Variants in CNTNAP2 observed in about 807,000 individuals in gnomAD.
The protein encoded by CNTNAP2 is contactin-associated protein-like 2.
A neutral mutation model predicts 155.2 loss-of-function variants in CNTNAP2; 98 were observed. The observed-to-expected ratio is 0.63, with a 90% CI of 0.54 to 0.75. The LOEUF is 0.75. CNTNAP2 is among the 30% of genes least tolerant of loss of function. The probability of loss-of-function intolerance (pLI) is 0.00; values close to 1 mark genes in which losing one functional copy is unlikely to be tolerated. For synonymous variants in CNTNAP2, 651 were observed against 631.2 expected, an observed-to-expected ratio of 1.03 and a Z score of -0.47; for missense variants, 1,727 against 1,688.1, an observed-to-expected ratio of 1.02 and a Z score of -0.40.
chr7:147,254,474 T>A, intron 8 of CNTNAP2, among the ~76,000 whole-genome samples: 1 of 152,208 alleles, frequency 6.6e-6, no homozygotes, highest in South Asian at 2.1e-4. Flanking sequence ...AAGAAGTTTT[T>A]GATTCCCTTG....
intron 1 of CNTNAP2, among the ~76,000 whole-genome samples, chr7:146,241,896 T>C (rs1000891597): frequency 6.6e-6 from 1 of 151,648 alleles, no homozygotes; most frequent in African/African-American, 2.4e-5. Flanking sequence ...AAGATAAAAA[T>C]ACTACCTAGA....
At chr7:146,924,910 A>G (rs997732845) in intron 3 of CNTNAP2, among the ~76,000 whole-genome samples, 14 of 152,156 alleles carry the variant, frequency 9.2e-5, no homozygotes, top group Non-Finnish European at 2.1e-4. Context: ...CATGCCAAGA[A>G]TTGTGATTCC....
intron 1 of CNTNAP2, among the ~76,000 whole-genome samples, chr7:146,491,580 A>T (rs1797140269): frequency 6.6e-6 from 1 of 152,104 alleles, no homozygotes; most frequent in South Asian, 2.1e-4. Flanking sequence ...CACATGAAGG[A>T]TGCACACGAA....
intron 1 of CNTNAP2, among the ~76,000 whole-genome samples, chr7:146,252,300 G>T (rs1379393441): frequency 6.6e-6 from 1 of 152,132 alleles, no homozygotes; most frequent in African/African-American, 2.4e-5. Context: ...AAATCCCATT[G>T]CTGGAAGTGG....
chr7:148,213,820 C>T (rs1400126819), intron 18 of CNTNAP2, among the ~76,000 whole-genome samples: 2 of 152,198 alleles, frequency 1.3e-5, no homozygotes, highest in South Asian at 2.1e-4. Context: ...CCCCATCAGA[C>T]TCTGAACTAC....
intron 14 of CNTNAP2, among the ~76,000 whole-genome samples, chr7:147,938,849 A>G (rs1248629531): frequency 6.6e-6 from 1 of 152,192 alleles, no homozygotes; most frequent in East Asian, 1.9e-4. Context: ...GTTGACTCTC[A>G]GGTGTGAGAT....
intron 13 of CNTNAP2, among the ~76,000 whole-genome samples, chr7:147,690,396 T>A (rs146908056): frequency 6.6e-6 from 1 of 152,134 alleles, no homozygotes; most frequent in Admixed American, 6.6e-5. Flanking sequence ...TCCTCTGAGA[T>A]TTTTGAAGTC....
chr7:147,035,322 C>A (rs1004574847), intron 3 of CNTNAP2, among the ~76,000 whole-genome samples: 3 of 152,152 alleles, frequency 2.0e-5, no homozygotes, highest in Admixed American at 6.5e-5. Context: ...TATCTTCCTG[C>A]CTCAGCAGGG....
At chr7:147,822,529 G>A (rs1052136168) in intron 13 of CNTNAP2, among the ~76,000 whole-genome samples, 1 of 152,106 alleles carries the variant, frequency 6.6e-6, no homozygotes, top group African/African-American at 2.4e-5. Context: ...TATTTTTGGA[G>A]TGTTGTCTAT....
intron 21 of CNTNAP2, among the ~76,000 whole-genome samples, chr7:148,268,572 G>A (rs1032454451): frequency 2.0e-5 from 3 of 151,872 alleles, no homozygotes; most frequent in Admixed American, 6.6e-5. Context: ...GGAGAATGGC[G>A]TGAACCCGGG....
intron 12 of CNTNAP2, among the ~76,000 whole-genome samples, chr7:147,621,647 C>T (rs1337263035): frequency 1.3e-5 from 2 of 151,462 alleles, no homozygotes; most frequent in Admixed American, 1.3e-4. Flanking sequence ...TGGATACACA[C>T]AAAATAAAAA....
At chr7:146,133,129 G>A (rs373536637) in intron 1 of CNTNAP2, among the ~76,000 whole-genome samples, 11,331 of 148,106 alleles carry the variant, frequency 0.077, 1,229 homozygotes, top group African/African-American at 0.25. Flanking sequence ...ATGGTATCTC[G>A]TTGTGGTTTT....
At chr7:146,460,599 T>G (rs1052565497) in intron 1 of CNTNAP2, among the ~76,000 whole-genome samples, 3 of 152,174 alleles carry the variant, frequency 2.0e-5, no homozygotes, top group African/African-American at 7.2e-5. Context: ...CATACACATA[T>G]ATAATGAATA....
intron 9 of CNTNAP2, among the ~76,000 whole-genome samples, chr7:147,365,392 A>AC (rs985491562): frequency 5.4e-5 from 8 of 149,266 alleles, no homozygotes; most frequent in African/African-American, 2.0e-4. Flanking sequence ...AGAAAAAAAA[A>AC]AAAAAAAAAA....
chr7:146,450,660 T>C (rs1245400343), intron 1 of CNTNAP2, among the ~76,000 whole-genome samples: 1 of 152,156 alleles, frequency 6.6e-6, no homozygotes, highest in Non-Finnish European at 1.5e-5. Flanking sequence ...CCAGCCTAGG[T>C]TTAAGAGAAA....
At chr7:147,467,616 G>A (rs1038584120) in intron 10 of CNTNAP2, among the ~76,000 whole-genome samples, 1 of 152,146 alleles carries the variant, frequency 6.6e-6, no homozygotes, top group East Asian at 1.9e-4. Flanking sequence ...TAAAAGCTCA[G>A]ACTTCACCAT....
intron 1 of CNTNAP2, among the ~76,000 whole-genome samples, chr7:146,356,468 T>G (rs1197217245): frequency 1.3e-5 from 2 of 152,152 alleles, no homozygotes; most frequent in Non-Finnish European, 1.5e-5. Context: ...GTGTACTTCC[T>G]GTTCTCAATT....
chr7:148,180,427 G>T (rs1795016952), intron 18 of CNTNAP2, among the ~76,000 whole-genome samples: 1 of 151,984 alleles, frequency 6.6e-6, no homozygotes, highest in Non-Finnish European at 1.5e-5. Flanking sequence ...AACTGTGATG[G>T]TTAATTTTAA....
chr7:146,157,406 G>A (rs995560005), intron 1 of CNTNAP2, among the ~76,000 whole-genome samples: 17 of 152,074 alleles, frequency 1.1e-4, no homozygotes, highest in Admixed American at 2.6e-4. Flanking sequence ...CTTGTCAGAC[G>A]GTAGGTGCAG....
Sources: gnomAD v4.1 joint callset for allele counts (sites outside exome capture counted in the v4.1 genomes callset) on GRCh38, gnomAD v4.1.1 for gene constraint, MANE v1.5 for transcripts, NCBI Gene and HGNC (gene_info 2026-07-23, HGNC 2026-07-21) for gene names.